MYOM1: variants seen among roughly 807,000 people sequenced by gnomAD.
MYOM1 encodes myomesin-1.
In MYOM1, 164 loss-of-function variants were observed where a neutral mutation model predicts 205.3. The observed-to-expected ratio is 0.80, with a 90% CI of 0.70 to 0.91. The LOEUF (loss-of-function observed/expected upper bound fraction) is 0.91. Ranked by LOEUF, MYOM1 falls within the 40% of genes least tolerant of loss-of-function variation. The probability of loss-of-function intolerance (pLI) is 0.00; values close to 1 mark genes in which losing one functional copy is unlikely to be tolerated. For synonymous variants in MYOM1, 772 were observed against 789.4 expected, an observed-to-expected ratio of 0.98 and a Z score of 0.37; for missense variants, 2,011 against 2,127.3, an observed-to-expected ratio of 0.95 and a Z score of 1.08.
chr18:3,217,024 A>G (rs2081276587), intron 1 of MYOM1: 1 of 152,264 alleles, frequency 6.6e-6, no homozygotes, highest in Non-Finnish European at 1.5e-5. Context: ...TATGTATATA[A>G]CAGAGGGAAG....
intron 21 of MYOM1, among the ~76,000 whole-genome samples, chr18:3,115,406 T>G (rs8099227): frequency 6.6e-6 from 1 of 152,066 alleles, no homozygotes; most frequent in Non-Finnish European, 1.5e-5. Context: ...GAGTGGCTGA[T>G]AGATGGAAGG....
Position 3,131,183 on chromosome 18 carries a change from TAA to T in MYOM1, c.2506+190_2506+191del, listed in dbSNP as rs529912037. ...AGGCTATGGATGCACAGAATCTGGA[TAA>T]GTGATGAAGGTCTGTAAAATGGCAG... is the stretch of plus-strand genomic sequence containing the variant. On this transcript the variant is annotated intron_variant, in intron 17 of 37. Coordinates refer to ENST00000356443, the MANE Select transcript of MYOM1 (RefSeq NM_003803.4). 2.6e-5 allele frequency among the ~76,000 whole-genome samples: 4 copies of T among 152,316 alleles called. No individual in the cohort carries two copies. In the South Asian group the frequency reaches 6.2e-4, roughly 24 times the overall value.
chr18:3,109,965 G>A (rs2079502598), intron 22 of MYOM1, among the ~76,000 whole-genome samples: 1 of 151,952 alleles, frequency 6.6e-6, no homozygotes, highest in Non-Finnish European at 1.5e-5. Flanking sequence ...ATCCTAATGG[G>A]TTCAAGTGTG....
chr18:3,175,826 C>T (rs922295837), intron 6 of MYOM1, among the ~76,000 whole-genome samples: 1 of 152,014 alleles, frequency 6.6e-6, no homozygotes, highest in East Asian at 1.9e-4. Flanking sequence ...TGACCGAATC[C>T]AAATATAAAA....
chr18:3,182,507 A>G (rs1473749801), intron 5 of MYOM1, among the ~76,000 whole-genome samples: 1 of 152,156 alleles, frequency 6.6e-6, no homozygotes, highest in Non-Finnish European at 1.5e-5. Context: ...CCACTATTTC[A>G]CATAATGTTT....
intron 10 of MYOM1, 94 bp from the exon 11 acceptor site, chr18:3,155,182 C>T: frequency 7.9e-7 from 1 of 1,265,258 alleles, no homozygotes; most frequent in Non-Finnish European, 1.1e-6. Flanking sequence ...CACATCATCA[C>T]AGTGGCTCAA....
At chr18:3,236,558 C>G in the MYOM1 span, 10 of 152,292 alleles carry the variant, frequency 6.6e-5, no homozygotes, top group African/African-American at 2.2e-4. Flanking sequence ...AGTTTTCGGC[C>G]TGAGCAACTT....
chr18:3,244,125 C>T, the MYOM1 span, among the ~76,000 whole-genome samples: 1 of 152,220 alleles, frequency 6.6e-6, no homozygotes, highest in South Asian at 2.1e-4. Flanking sequence ...TAGGATGTTT[C>T]GCAGCGTCCC....
rs534429883 is a variant in MYOM1 at position 3,188,637 on chromosome 18, A to T, written c.771+111T>A. ...GAGTGAGACTCCATCTCAAAAGGAA[A>T]AAAAAAAAGAAACAAATCAATCTAT... On this transcript the variant is annotated intron_variant, in intron 4 of 37. Coordinates refer to ENST00000356443, the MANE Select transcript of MYOM1 (RefSeq NM_003803.4). The T allele has an allele frequency of 7.4e-5, 91 of 1,224,652 alleles. No homozygotes were observed. In the Admixed American group the frequency reaches 2.2e-3, roughly 30 times the overall value. 75.9% of individuals were successfully genotyped at this position (1,224,652 alleles called of 1,614,324 possible). A position where few individuals can be genotyped will look rare whatever the true frequency, so the allele number is the denominator to read the frequency against.
At chr18:3,185,937 G>T (rs190939777) in intron 5 of MYOM1, among the ~76,000 whole-genome samples, 1 of 152,078 alleles carries the variant, frequency 6.6e-6, no homozygotes, top group Non-Finnish European at 1.5e-5. Context: ...GGCTCACTCC[G>T]GTAGTCCCAG....
chr18:3,127,042 T>A, intron 18 of MYOM1, 145 bp from the exon 19 acceptor site: 1 of 667,308 alleles, frequency 1.5e-6, no homozygotes, highest in Non-Finnish European at 2.5e-6. Flanking sequence ...GCATTGAACT[T>A]GGTGAATGCA....
At chr18:3,177,194 G>A (rs914724049) in intron 5 of MYOM1, among the ~76,000 whole-genome samples, 12 of 151,908 alleles carry the variant, frequency 7.9e-5, no homozygotes, top group African/African-American at 1.9e-4. Flanking sequence ...AGCTATGATC[G>A]CACCACTGCA....
At chr18:3,155,892 A>C (rs559347370) in intron 10 of MYOM1, among the ~76,000 whole-genome samples, 1 of 152,352 alleles carries the variant, frequency 6.6e-6, no homozygotes, top group South Asian at 2.1e-4. Context: ...CATTCGTTTT[A>C]ATCAAATGAT....
rs2079932012 is a variant in MYOM1 at position 3,134,768 on chromosome 18, C to T, written c.2266G>A (p.Val756Ile). 2.5e-6 allele frequency: 4 copies of T among 1,613,810 alleles called. No homozygotes were observed. The highest frequency in any genetic ancestry group is 3.4e-6 in the Non-Finnish European group (4 of 1,179,882). The change falls in exon 16 of 38, where the codon GTA becomes ATA. Residue 756 changes from valine to isoleucine, a missense_variant. By Grantham distance (29) the Val-to-Ile change is conservative. Coordinates refer to ENST00000356443, the MANE Select transcript of MYOM1 (RefSeq NM_003803.4). ...TCTTTGGACTCCTCCCACGAAACTACCACTGAGGTGTCTGTGTTTCTGCTT... is the reference window on the plus strand; with the variant it reads ...TCTTTGGACTCCTCCCACGAAACTATCACTGAGGTGTCTGTGTTTCTGCTT... ...IPSRNTDTSV[V>I]VSWEESKDAK...
In MYOM1 at chr18:3,102,352, C is replaced by T. The variant is rs2079390599; in HGVS notation, c.3575+122G>A. The T allele has an allele frequency of 3.0e-6, 3 of 1,004,696 alleles. No homozygotes were observed. The East Asian group carries it at 7.6e-5, about 25-fold the overall frequency. The allele number at this position is 1,004,696 out of a possible 1,614,324, so 62.2% of individuals were successfully genotyped here. ...AAGTTGGTTATTATTTTCTACAATA[C>T]CAGATATAAAATATAAGTGACTTCA... is the stretch of plus-strand genomic sequence containing the variant. On this transcript the variant is annotated intron_variant, in intron 23 of 37. Transcript: ENST00000356443.
Position 3,164,427 on chromosome 18 carries a change from G to C in MYOM1, c.1352C>G (p.Ser451Cys), listed in dbSNP as rs1164367815. 1 of 1,599,822 alleles carries C rather than the reference G, an allele frequency of 6.3e-7. No individual in the cohort carries two copies. The highest frequency in any genetic ancestry group is 1.3e-5 in the African/African-American group (1 of 74,338). ...AAGTGTTTGCACCCATTTTGATGGA[G>C]AAAGAGGTACTCCTAGAAATATTTT... ...IQWYRNGVPL[S>C]PSKWVQTLWS... The change falls in exon 10 of 38, where the codon TCT becomes TGT. Residue 451 changes from serine to cysteine, a missense_variant. Coordinates refer to ENST00000356443, the MANE Select transcript of MYOM1 (RefSeq NM_003803.4).
chr18:3,106,107 G>T (rs757278710), intron 22 of MYOM1, among the ~76,000 whole-genome samples: 18 of 152,114 alleles, frequency 1.2e-4, no homozygotes, highest in Non-Finnish European at 2.4e-4. Context: ...CATCATATTA[G>T]GTATTGTAAG....
At chr18:3,175,880 A>G (rs915746088) in intron 6 of MYOM1, among the ~76,000 whole-genome samples, 162 bp downstream of exon 6, 11 of 152,186 alleles carry the variant, frequency 7.2e-5, no homozygotes, top group African/African-American at 2.7e-4. Flanking sequence ...TCAGTCATAC[A>G]TATCACTTTC....
intron 25 of MYOM1, among the ~76,000 whole-genome samples, chr18:3,099,346 C>A (rs2079348149): frequency 6.6e-6 from 1 of 152,210 alleles, no homozygotes; most frequent in Admixed American, 6.5e-5. Context: ...TGTCCATAGT[C>A]TGGAATAGGA....
Sources: allele counts gnomAD v4.1 joint callset (sites outside exome capture counted in the v4.1 genomes callset), GRCh38; gene constraint gnomAD v4.1.1; transcripts MANE v1.5; gene names NCBI Gene and HGNC (gene_info 2026-07-23, HGNC 2026-07-21).